Variants in PKIB observed in about 807,000 individuals in gnomAD.
PKIB encodes PKI-beta.
Under a neutral mutation model 4.5 loss-of-function variants are expected in PKIB, and 2 were observed. The ratio of observed to expected loss-of-function variants is 0.44; its 90% confidence interval spans 0.18 to 1.39. The LOEUF (loss-of-function observed/expected upper bound fraction) is 1.39. PKIB is among the 40% of genes most tolerant of loss of function. PKIB has a pLI of 0.27. For synonymous variants in PKIB, 38 were observed against 36.0 expected (o/e 1.06, Z -0.20); for missense variants, 94 against 92.6 (o/e 1.02, Z -0.06).
intron 2 of PKIB, among the ~76,000 whole-genome samples, chr6:122,509,470 G>C (rs536465825): frequency 1.3e-5 from 2 of 150,606 alleles, no homozygotes; most frequent in African/African-American, 4.9e-5. Flanking sequence ...TCACTCTGTT[G>C]CCCAGGCTGG....
At chr6:122,683,787 C>G (rs1777992654) in intron 3 of PKIB, among the ~76,000 whole-genome samples, 1 of 152,098 alleles carries the variant, frequency 6.6e-6, no homozygotes, top group African/African-American at 2.4e-5. Flanking sequence ...ATGTCTTTCC[C>G]TAATAGACCT....
intron 2 of PKIB, among the ~76,000 whole-genome samples, chr6:122,498,888 C>A (rs1776147980): frequency 1.3e-5 from 2 of 152,148 alleles, no homozygotes; most frequent in African/African-American, 4.8e-5. Flanking sequence ...AACATTAGAA[C>A]TGATCTTATG....
chr6:122,533,888 T>C (rs903839069), intron 2 of PKIB, among the ~76,000 whole-genome samples: 8 of 152,000 alleles, frequency 5.3e-5, no homozygotes, highest in Non-Finnish European at 8.8e-5. Context: ...TTACTTCTTA[T>C]CTTCTATACA....
intron 2 of PKIB, among the ~76,000 whole-genome samples, chr6:122,510,453 T>C (rs1776549810): frequency 6.6e-6 from 1 of 152,154 alleles, no homozygotes; most frequent in Non-Finnish European, 1.5e-5. Flanking sequence ...GCAGGGATGA[T>C]AATGGTAAAT....
At chr6:122,493,806 T>A (rs1712520303) in intron 2 of PKIB, among the ~76,000 whole-genome samples, 1 of 152,152 alleles carries the variant, frequency 6.6e-6, no homozygotes, top group South Asian at 2.1e-4. Context: ...TTAACCTTGG[T>A]CTTCCTCTCT....
At chr6:122,612,218 AT>A (rs1285089903) in intron 1 of PKIB, among the ~76,000 whole-genome samples, 3 of 152,082 alleles carry the variant, frequency 2.0e-5, no homozygotes, top group African/African-American at 7.2e-5. Flanking sequence ...GCATTACAGC[AT>A]TTTTTTACAA....
At chr6:122,537,125 C>T (rs1006928381) in intron 2 of PKIB, among the ~76,000 whole-genome samples, 21 of 151,790 alleles carry the variant, frequency 1.4e-4, no homozygotes, top group Admixed American at 3.9e-4. Flanking sequence ...CTCCTAGTTG[C>T]TTCTTTATTC....
chr6:122,705,043 G>A (rs1005954275), intron 3 of PKIB, among the ~76,000 whole-genome samples: 2 of 152,124 alleles, frequency 1.3e-5, no homozygotes, highest in African/African-American at 4.8e-5. Flanking sequence ...GAAACAGAGG[G>A]AGACCTTGTC....
At chr6:122,527,189 A>C (rs9375144) in intron 2 of PKIB, among the ~76,000 whole-genome samples, 21,172 of 152,120 alleles carry the variant, frequency 0.14, 1,585 homozygotes, top group East Asian at 0.26. Context: ...GGTTTAAGGG[A>C]GTGTTCTGGC....
At chr6:122,650,157 A>G (rs1413703729) in intron 2 of PKIB, among the ~76,000 whole-genome samples, 1 of 152,058 alleles carries the variant, frequency 6.6e-6, no homozygotes, top group Non-Finnish European at 1.5e-5. Flanking sequence ...CAACAACTTA[A>G]TGTTTACTTT....
chr6:122,687,663 T>C (rs1778147472), intron 3 of PKIB, among the ~76,000 whole-genome samples: 1 of 152,188 alleles, frequency 6.6e-6, no homozygotes, highest in Admixed American at 6.5e-5. Context: ...TTTTAGTTTT[T>C]ATTGTAGAGA....
intron 3 of PKIB, among the ~76,000 whole-genome samples, chr6:122,703,126 G>C (rs1422567281): frequency 6.6e-6 from 1 of 152,100 alleles, no homozygotes; most frequent in Non-Finnish European, 1.5e-5. Context: ...TGCCCTTTAA[G>C]TAAAAGATAA....
At chr6:122,671,410 T>C (rs1391607577) in intron 2 of PKIB, among the ~76,000 whole-genome samples, 1 of 152,126 alleles carries the variant, frequency 6.6e-6, no homozygotes, top group African/African-American at 2.4e-5. Flanking sequence ...AGTTGTCTAG[T>C]TGCTTATTTG....
intron 1 of PKIB, among the ~76,000 whole-genome samples, chr6:122,626,753 T>C (rs1775460446): frequency 6.6e-6 from 1 of 152,188 alleles, no homozygotes; most frequent in African/African-American, 2.4e-5. Context: ...CAAGTTCTCA[T>C]ACAAAGGAAG....
intron 3 of PKIB, among the ~76,000 whole-genome samples, chr6:122,702,761 C>CACTATTT (rs1370896572): frequency 2.0e-5 from 3 of 151,968 alleles, no homozygotes; most frequent in Non-Finnish European, 4.4e-5. Flanking sequence ...TGGAATTTTT[C>CACTATTT]GTAGAGAATT....
At chr6:122,701,361 G>A in intron 3 of PKIB, 1 of 1,186,748 alleles carries the variant, frequency 8.4e-7, no homozygotes, top group Non-Finnish European at 1.2e-6. Flanking sequence ...ATGGTGATCA[G>A]AGAGCTCTAG....
chr6:122,561,874 T>C (rs570238543), intron 2 of PKIB, among the ~76,000 whole-genome samples: 35 of 152,112 alleles, frequency 2.3e-4, no homozygotes, highest in Admixed American at 2.3e-3. Flanking sequence ...CATTCCATGG[T>C]TCTATATCTT....
chr6:122,701,480 C>G (rs143459711), intron 3 of PKIB: 37,468 of 1,594,916 alleles, frequency 0.023, 583 homozygotes, highest in Non-Finnish European at 0.027. Flanking sequence ...CAGGCTGAAC[C>G]TGACAGCATG....
At chr6:122,541,500 G>A (rs1777599989) in intron 2 of PKIB, among the ~76,000 whole-genome samples, 1 of 151,978 alleles carries the variant, frequency 6.6e-6, no homozygotes, top group South Asian at 2.1e-4. Context: ...TAAGAATGTT[G>A]AATATTGGCC....
Sources: allele counts gnomAD v4.1 joint callset (sites outside exome capture counted in the v4.1 genomes callset), GRCh38; gene constraint gnomAD v4.1.1; transcripts MANE v1.5; gene names NCBI Gene and HGNC (gene_info 2026-07-23, HGNC 2026-07-21).